HDX: variants seen among roughly 807,000 people sequenced by gnomAD.
HDX encodes the protein highly divergent homeobox.
HDX carries 19 observed loss-of-function variants against 45.2 expected under a neutral mutation model. The ratio of observed to expected loss-of-function variants is 0.42; its 90% CI spans 0.29 to 0.62. The LOEUF (loss-of-function observed/expected upper bound fraction) is 0.62. HDX is among the 20% of genes least tolerant of loss of function. HDX has a pLI of 0.20. For synonymous variants in HDX, 188 were observed against 172.8 expected (o/e 1.09, Z -0.69); for missense variants, 532 against 493.9 (o/e 1.08, Z -0.73).
intron 5 of HDX, among the ~76,000 whole-genome samples, chrX:84,373,927 G>A (rs1460348730): frequency 9.5e-6 from 1 of 105,676 alleles, no homozygotes; most frequent in Non-Finnish European, 1.9e-5. Flanking sequence ...GGCAGAAGAA[G>A]GAAATAAAGG....
chrX:84,441,121 A>T (rs1472338267), intron 4 of HDX, among the ~76,000 whole-genome samples: 1 of 111,134 alleles, frequency 9.0e-6, no homozygotes, highest in African/African-American at 3.3e-5. Context: ...AACAGTTATG[A>T]CAAAGTACTG....
chrX:84,441,147 G>A (rs928260978), intron 4 of HDX, among the ~76,000 whole-genome samples: 1 of 111,505 alleles, frequency 9.0e-6, no homozygotes, highest in East Asian at 2.8e-4. Flanking sequence ...AAAGTTATGT[G>A]AATGTGGCCT....
intron 10 of HDX, 81 bp downstream of exon 10, chrX:84,326,097 A>G (rs1453418567): frequency 4.4e-6 from 4 of 907,033 alleles, no homozygotes; most frequent in Non-Finnish European, 6.3e-6. Flanking sequence ...TATTAAAATG[A>G]AAACATATGA....
At chrX:84,365,041 T>C (rs762522199) in intron 5 of HDX, among the ~76,000 whole-genome samples, 46 of 111,697 alleles carry the variant, frequency 4.1e-4, no homozygotes, top group Non-Finnish European at 4.5e-4. Context: ...ATTTTGGCTA[T>C]TGTGAATAAT....
intron 2 of HDX, among the ~76,000 whole-genome samples, chrX:84,482,397 C>T (rs952348816): frequency 4.5e-5 from 5 of 111,455 alleles, no homozygotes; most frequent in Non-Finnish European, 7.5e-5. Context: ...TTCTGCATGG[C>T]TGGGGAGGCT....
At chrX:84,400,905 T>G (rs1285211108) in intron 5 of HDX, among the ~76,000 whole-genome samples, 1 of 111,295 alleles carries the variant, frequency 9.0e-6, no homozygotes, top group African/African-American at 3.3e-5. Context: ...ACCACACATG[T>G]ACATCCATCT....
intron 5 of HDX, among the ~76,000 whole-genome samples, chrX:84,418,504 A>G (rs2039168156): frequency 8.9e-6 from 1 of 111,865 alleles, no homozygotes; most frequent in African/African-American, 3.3e-5. Context: ...TGAAAATGGC[A>G]ATTACTTTTG....
chrX:84,410,018 A>G (rs1218045069), intron 5 of HDX, among the ~76,000 whole-genome samples: 1 of 98,352 alleles, frequency 1.0e-5, no homozygotes, highest in Non-Finnish European at 2.0e-5. Flanking sequence ...GCACCATTTC[A>G]CTCCAGCCTG....
chrX:84,380,414 CA>C (rs200184884), intron 5 of HDX, among the ~76,000 whole-genome samples: 140 of 99,291 alleles, frequency 1.4e-3, no homozygotes, highest in African/African-American at 2.3e-3. Flanking sequence ...AAAGACACCT[CA>C]AAAAAAAAAA....
At chrX:84,454,211 T>C (rs1234333906) in intron 4 of HDX, among the ~76,000 whole-genome samples, 2 of 111,276 alleles carry the variant, frequency 1.8e-5, no homozygotes, top group Non-Finnish European at 3.8e-5. Context: ...TAAAGGAGAC[T>C]TTGTCTTGCA....
intron 5 of HDX, among the ~76,000 whole-genome samples, chrX:84,386,300 G>A (rs2038319090): frequency 9.0e-6 from 1 of 110,660 alleles, no homozygotes; most frequent in Admixed American, 9.6e-5. Context: ...ATGAGAATTA[G>A]TGGCCCTATT....
intron 5 of HDX, among the ~76,000 whole-genome samples, chrX:84,426,184 G>C (rs992506037): frequency 2.3e-4 from 25 of 110,972 alleles, no homozygotes; most frequent in African/African-American, 7.2e-4. Flanking sequence ...TGTATGTGGA[G>C]AAAAGGGAAC....
At chrX:84,422,673 T>G (rs1205111058) in intron 5 of HDX, among the ~76,000 whole-genome samples, 4 of 88,368 alleles carry the variant, frequency 4.5e-5, no homozygotes, top group African/African-American at 1.7e-4. Flanking sequence ...GTTTTTTTTT[T>G]TTTTTTTTTT....
rs746724525 is a variant in HDX at position 84,368,182 on chromosome X, T to C, written c.1306-6570A>G. ...AGCATAAGGAGGATTAATCATTTTA[T>C]ATGCTTATTGAACATATGCATTTAT... On this transcript the variant is annotated intron_variant, in intron 5 of 10. Transcript: ENST00000373177. 1.3e-3 allele frequency among the ~76,000 whole-genome samples: 141 copies of C among 111,720 alleles called. 1 individual carries two copies. The highest frequency in any genetic ancestry group is 4.5e-3 in the African/African-American group (138 of 30,824).
chrX:84,373,496 T>C (rs2037953603), intron 5 of HDX, among the ~76,000 whole-genome samples: 1 of 111,042 alleles, frequency 9.0e-6, no homozygotes, highest in African/African-American at 3.3e-5. Flanking sequence ...TGAATATTGA[T>C]GCAAAAATCC....
intron 5 of HDX, among the ~76,000 whole-genome samples, chrX:84,385,039 A>AT (rs1167585733): frequency 2.8e-5 from 3 of 107,979 alleles, no homozygotes; most frequent in South Asian, 7.9e-4. Context: ...GAAAGTTAGA[A>AT]TTTTTTTTTC....
intron 5 of HDX, among the ~76,000 whole-genome samples, chrX:84,413,807 T>C (rs756078962): frequency 8.9e-6 from 1 of 111,929 alleles, no homozygotes; most frequent in South Asian, 3.7e-4. Context: ...CCTAGAAATC[T>C]TGAAATAACA....
rs966842296 is a variant in HDX at position 84,321,835 on chromosome X, T to C, written c.*54A>G. 9.6e-7 allele frequency: 1 copy of C among 1,044,825 alleles called. No homozygotes were observed. Among genetic ancestry groups the C allele is most frequent in the Non-Finnish European group, 1.3e-6 (1 of 777,645 alleles). The allele number at this position is 1,044,825 out of a possible 1,213,427, so 86.1% of individuals were successfully genotyped here. A position where few individuals can be genotyped will look rare whatever the true frequency, so the allele number is the denominator to read the frequency against. ...GCAACAGAATGCAGTTATCTTGAAATGCACACCTGTTACGAAGCCAAAAGA... is the reference window on the plus strand; with the variant it reads ...GCAACAGAATGCAGTTATCTTGAAACGCACACCTGTTACGAAGCCAAAAGA... On this transcript the variant is annotated 3_prime_UTR_variant, in exon 11 of 11. Transcript: ENST00000373177.
chrX:84,470,410 A>C (rs1462410063), intron 3 of HDX, among the ~76,000 whole-genome samples: 2 of 111,676 alleles, frequency 1.8e-5, no homozygotes, highest in Non-Finnish European at 3.8e-5. Context: ...CTTTCATAGA[A>C]TTGCCTATCC....
Sources: allele counts gnomAD v4.1 joint callset (sites outside exome capture counted in the v4.1 genomes callset), GRCh38; gene constraint gnomAD v4.1.1; transcripts MANE v1.5; gene names NCBI Gene and HGNC (gene_info 2026-07-23, HGNC 2026-07-21).